Variants in SLC12A9 observed in about 807,000 individuals in gnomAD.
The protein encoded by SLC12A9 is CCC-interacting protein 1.
A neutral mutation model predicts 66.0 loss-of-function variants in SLC12A9; 55 were observed. The ratio of observed to expected loss-of-function variants is 0.83; its 90% CI spans 0.67 to 1.04. SLC12A9 has a LOEUF of 1.04. Ranked by LOEUF, SLC12A9 falls within the 50% of genes least tolerant of loss-of-function variation. The probability of loss-of-function intolerance (pLI) is 0.00; values close to 1 mark genes in which losing one functional copy is unlikely to be tolerated. For synonymous variants in SLC12A9, 577 were observed against 569.0 expected (o/e 1.01, Z -0.20); for missense variants, 1,061 against 1,241.9 (o/e 0.85, Z 2.19).
upstream of SLC12A9, among the ~76,000 whole-genome samples, chr7:100,851,712 G>C (rs1315308005): frequency 7.1e-6 from 1 of 140,628 alleles, no homozygotes; most frequent in Non-Finnish European, 1.5e-5. Context: ...GGATGCTTGA[G>C]CCGGAAATGC....
At chr7:100,839,052 G>A (rs1033516872) in intron 1 of SLC12A9, among the ~76,000 whole-genome samples, 4 of 152,104 alleles carry the variant, frequency 2.6e-5, no homozygotes, top group Admixed American at 1.3e-4. Flanking sequence ...TGCCGGGCGC[G>A]GTGGCTCACA....
chr7:100,841,809 T>G (rs1813797504), intron 1 of SLC12A9, among the ~76,000 whole-genome samples: 1 of 152,028 alleles, frequency 6.6e-6, no homozygotes, highest in Non-Finnish European at 1.5e-5. Flanking sequence ...GTTTAAAAAC[T>G]AATAAAAATA....
intron 4 of SLC12A9, 59 bp downstream of exon 4, chr7:100,855,896 A>G: frequency 6.6e-7 from 1 of 1,518,030 alleles, no homozygotes; most frequent in Admixed American, 2.2e-5. Context: ...GGAGTGTGGG[A>G]TCATGAGGGA....
At chr7:100,852,093 A>G (rs1814105720), upstream of SLC12A9, among the ~76,000 whole-genome samples, 1 of 152,156 alleles carries the variant, frequency 6.6e-6, no homozygotes. Context: ...CTCTCAGTAG[A>G]GTTCATAGGC....
chr7:100,866,760 C>G lies in SLC12A9; in HGVS notation c.*155C>G. 1 of 766,544 alleles carries G rather than the reference C, an allele frequency of 1.3e-6. No individual in the cohort carries two copies. Among genetic ancestry groups the G allele is most frequent in the Non-Finnish European group, 2.0e-6 (1 of 510,668 alleles). 47.5% of individuals were successfully genotyped at this position (766,544 alleles called of 1,614,324 possible). ...TGAAGGGGATCCTGGGCTTGGGCAT[C>G]ACGCCCACCTCCTTTGGCAGAGGGA... On this transcript the variant is annotated 3_prime_UTR_variant, in exon 14 of 14. Coordinates refer to ENST00000354161, the MANE Select transcript of SLC12A9 (RefSeq NM_020246.4). This position sits in a 1 kb window ranked among gnomAD's most constrained non-coding sequence, Gnocchi z 7.3.
chr7:100,835,080 G>C (rs1466870900), intron 1 of SLC12A9, among the ~76,000 whole-genome samples: 1 of 152,160 alleles, frequency 6.6e-6, no homozygotes, highest in Non-Finnish European at 1.5e-5. Flanking sequence ...GATTGGCCGG[G>C]TGCAGTGGCT....
rs551867171 is a variant in SLC12A9, at chr7:100,839,045, C to T, written n.228+11998C>T. Among the ~76,000 whole-genome samples, 6 of 152,160 alleles carry T rather than the reference C, an allele frequency of 3.9e-5. No individual in the cohort carries two copies. The South Asian group carries it at 6.2e-4, about 16-fold the overall frequency. On this transcript the variant is annotated intron_variant and non_coding_transcript_variant, in intron 1 of 1. Coordinates refer to the SLC12A9 transcript ENST00000461016. ...GCCCTTAAAAAAAGACAGGAATTGC[C>T]GGGCGCGGTGGCTCACACCTGTAAT...
At chr7:100,837,242 C>G (rs1813679045) in intron 1 of SLC12A9, 1 of 152,284 alleles carries the variant, frequency 6.6e-6, no homozygotes, top group African/African-American at 2.4e-5. Flanking sequence ...TGGGCCCAGT[C>G]CCACAATCCC....
chr7:100,840,160 T>C (rs1293155391), intron 1 of SLC12A9, among the ~76,000 whole-genome samples: 1 of 152,192 alleles, frequency 6.6e-6, no homozygotes, highest in Non-Finnish European at 1.5e-5. Context: ...AAAGTGTGTG[T>C]GTGCCCTTTT....
At chr7:100,843,028 C>A (rs1172846918) in intron 1 of SLC12A9, among the ~76,000 whole-genome samples, 1 of 152,234 alleles carries the variant, frequency 6.6e-6, no homozygotes, top group East Asian at 1.9e-4. Context: ...TGAAGGGATG[C>A]GATGAGCTTA....
intron 1 of SLC12A9, 33 bp from the exon 2 acceptor site, chr7:100,854,123 G>A: frequency 7.2e-7 from 1 of 1,392,150 alleles, no homozygotes; most frequent in Non-Finnish European, 9.6e-7. Flanking sequence ...GCTCTGTGGG[G>A]GAGCTTTTGA....
At chr7:100,859,781 C>A in intron 7 of SLC12A9, 104 bp from the exon 8 acceptor site, 1 of 1,368,684 alleles carries the variant, frequency 7.3e-7, no homozygotes, top group Non-Finnish European at 1.0e-6. Flanking sequence ...AGGCATATCC[C>A]TTTAGCACAT....
At chr7:100,865,461 G>A in intron 13 of SLC12A9, 4 of 1,534,718 alleles carry the variant, frequency 2.6e-6, no homozygotes, top group East Asian at 2.4e-5. Context: ...TTAGTGGCAA[G>A]AATCCTAAGG....
chr7:100,838,559 C>G (rs1453793589), intron 1 of SLC12A9, among the ~76,000 whole-genome samples: 1 of 151,992 alleles, frequency 6.6e-6, no homozygotes, highest in Non-Finnish European at 1.5e-5. Flanking sequence ...ACTCTGTCAC[C>G]AAGGCTGGTG....
In SLC12A9 at chr7:100,856,989, C is replaced by G. The variant is rs1365427582; in HGVS notation, c.570C>G (p.Ala190=). ...GVCTLGAGLY[A]RASFLTFLLV... ...GCACCCTGGGAGCCGGCCTCTATGCCCGGGCCTCATTCCTCACATTCCTGC... is the reference window on the plus strand; with the variant it reads ...GCACCCTGGGAGCCGGCCTCTATGCGCGGGCCTCATTCCTCACATTCCTGC... The change falls in exon 5 of 14, where the codon GCC becomes GCG. Residue 190 remains alanine (A), a synonymous_variant. Coordinates refer to ENST00000354161, the MANE Select transcript of SLC12A9 (RefSeq NM_020246.4). The G allele has an allele frequency of 6.2e-7, 1 of 1,613,970 alleles. No homozygotes were observed. Among genetic ancestry groups the G allele is most frequent in the East Asian group, 2.2e-5 (1 of 44,878 alleles).
At chr7:100,854,080 G>C in intron 1 of SLC12A9, 76 bp from the exon 2 acceptor site, 2 of 949,870 alleles carry the variant, frequency 2.1e-6, no homozygotes, top group Non-Finnish European at 3.0e-6. Context: ...GAGGCTTCAG[G>C]GTGTTTGATT....
At chr7:100,843,834 G>A (rs1425145544) in intron 1 of SLC12A9, among the ~76,000 whole-genome samples, 1 of 152,198 alleles carries the variant, frequency 6.6e-6, no homozygotes, top group Non-Finnish European at 1.5e-5. Context: ...CCACCACCTT[G>A]CTGCCAGTAT....
At position 100,859,013 on chromosome 7, in the gene SLC12A9, G is replaced by C. The variant is rs201575741; in HGVS notation, c.866-37G>C. 5.4e-4 allele frequency: 875 copies of C among 1,612,176 alleles called. 1 individual carries two copies. The African/African-American group carries it at 8.5e-3, about 16-fold the overall frequency. On this transcript the variant is annotated intron_variant, in intron 6 of 13. Transcript: ENST00000354161. The stretch of plus-strand genomic sequence containing the variant: ...CGTGAGGGACCCAGGGGGATGGCTG[G>C]AGGGCTGACCTCACTCCCTCTGCTC...
chr7:100,859,988 T>C lies in SLC12A9; in HGVS notation c.1081T>C (p.Ser361Pro), dbSNP rs376203160. 1.2e-6 allele frequency: 2 copies of C among 1,613,360 alleles called. No individual in the cohort carries two copies. Among genetic ancestry groups the C allele is most frequent in the African/African-American group, 2.7e-5 (2 of 74,914 alleles). ...YATALSASMS[S>P]LIGASRILHA... Reference sequence around the variant, plus strand: ...CACAGCGCTCTCAGCGTCCATGAGCTCGCTCATTGGTGCCTCCCGCATCCT... The same window carrying C: ...CACAGCGCTCTCAGCGTCCATGAGCCCGCTCATTGGTGCCTCCCGCATCCT... Residue 361 changes from serine to proline, a missense_variant, in exon 8 of 14, where the codon TCG (serine) becomes CCG (proline). Ser to Pro is a moderately conservative substitution (Grantham distance 74). Transcript: ENST00000354161.
Sources: allele counts gnomAD v4.1 joint callset (sites outside exome capture counted in the v4.1 genomes callset), GRCh38; gene constraint gnomAD v4.1.1; non-coding constraint Gnocchi (gnomAD v3.1); transcripts MANE v1.5; gene names NCBI Gene and HGNC (gene_info 2026-07-23, HGNC 2026-07-21).